CADPS2: variants seen among roughly 807,000 people sequenced by gnomAD.
CADPS2 encodes calcium dependent secretion activator 2.
Under a neutral mutation model 172.5 loss-of-function variants are expected in CADPS2, and 93 were observed. The ratio of observed to expected loss-of-function variants is 0.54; its 90% CI spans 0.46 to 0.64. The LOEUF (loss-of-function observed/expected upper bound fraction) is 0.64. Ranked by LOEUF, CADPS2 falls within the 30% of genes least tolerant of loss-of-function variation. The pLI is 0.00. For synonymous variants in CADPS2, 546 were observed against 555.2 expected, an observed-to-expected ratio of 0.98 and a Z score of 0.23; for missense variants, 1,420 against 1,565.9, an observed-to-expected ratio of 0.91 and a Z score of 1.57.
At chr7:122,652,225 C>T (rs902328606) in intron 3 of CADPS2, among the ~76,000 whole-genome samples, 2 of 152,028 alleles carry the variant, frequency 1.3e-5, no homozygotes, top group Admixed American at 6.6e-5. Flanking sequence ...AACACAATGC[C>T]TAGTGAAAAC....
At chr7:122,614,909 T>C (rs895385874) in intron 6 of CADPS2, among the ~76,000 whole-genome samples, 1 of 152,226 alleles carries the variant, frequency 6.6e-6, no homozygotes, top group Non-Finnish European at 1.5e-5. Flanking sequence ...TCCTTAGAAA[T>C]GACTTATAAA....
At chr7:122,376,782 A>G (rs2042415347) in intron 25 of CADPS2, among the ~76,000 whole-genome samples, 1 of 152,154 alleles carries the variant, frequency 6.6e-6, no homozygotes, top group Non-Finnish European at 1.5e-5. Flanking sequence ...TTTATGGTAC[A>G]GTTTGAGGTG....
At chr7:122,700,381 A>G (rs921080101) in intron 2 of CADPS2, among the ~76,000 whole-genome samples, 1 of 152,194 alleles carries the variant, frequency 6.6e-6, no homozygotes, top group Non-Finnish European at 1.5e-5. Flanking sequence ...TATAAAAAGA[A>G]TACTGATGAT....
chr7:122,836,925 G>C (rs1350618686), intron 1 of CADPS2, among the ~76,000 whole-genome samples: 1 of 152,090 alleles, frequency 6.6e-6, no homozygotes, highest in East Asian at 1.9e-4. Context: ...GCACCAAGCG[G>C]ACCTAATAGA....
intron 22 of CADPS2, among the ~76,000 whole-genome samples, chr7:122,392,119 T>C (rs141873169): frequency 6.6e-6 from 1 of 152,302 alleles, no homozygotes; most frequent in Non-Finnish European, 1.5e-5. Flanking sequence ...ATGATTATTC[T>C]TTCTAGTTGA....
intron 22 of CADPS2, among the ~76,000 whole-genome samples, chr7:122,389,156 C>T (rs1292830136): frequency 2.0e-5 from 3 of 151,802 alleles, no homozygotes; most frequent in African/African-American, 7.3e-5. Context: ...TGCATATGTG[C>T]CTCTGTCACC....
At chr7:122,702,231 T>C (rs777791353) in intron 2 of CADPS2, 2 of 1,613,854 alleles carry the variant, frequency 1.2e-6, no homozygotes, top group Admixed American at 3.3e-5. Flanking sequence ...ATGATGACTG[T>C]CACATAGACT....
chr7:122,541,437 C>T (rs1220402885), intron 8 of CADPS2, among the ~76,000 whole-genome samples: 2 of 147,552 alleles, frequency 1.4e-5, no homozygotes, highest in Non-Finnish European at 3.0e-5. Context: ...AACTCCTGGC[C>T]TCAGGTGATC....
chr7:122,616,137 C>G (rs987785027), intron 5 of CADPS2, among the ~76,000 whole-genome samples: 1 of 151,972 alleles, frequency 6.6e-6, no homozygotes, highest in African/African-American at 2.4e-5. Context: ...CGTTTTCAAT[C>G]AAAAGTTGCA....
At chr7:122,740,713 C>A (rs2092421425) in intron 1 of CADPS2, among the ~76,000 whole-genome samples, 1 of 151,726 alleles carries the variant, frequency 6.6e-6, no homozygotes, top group South Asian at 2.1e-4. Flanking sequence ...GCAAAAAATA[C>A]CATAGGCAAA....
intron 12 of CADPS2, among the ~76,000 whole-genome samples, chr7:122,477,239 A>G (rs934138933): frequency 7.9e-5 from 12 of 152,196 alleles, no homozygotes; most frequent in Non-Finnish European, 1.5e-4. Context: ...ACTGACGGGC[A>G]CAATGGCTCA....
At chr7:122,787,295 A>C (rs2139576453) in intron 1 of CADPS2, among the ~76,000 whole-genome samples, 1 of 152,354 alleles carries the variant, frequency 6.6e-6, no homozygotes, top group East Asian at 1.9e-4. Flanking sequence ...GCAATGTAAA[A>C]GTATCATGAA....
intron 9 of CADPS2, among the ~76,000 whole-genome samples, chr7:122,509,036 T>C (rs2059829418): frequency 6.6e-6 from 1 of 152,198 alleles, no homozygotes; most frequent in Non-Finnish European, 1.5e-5. Flanking sequence ...ACAATATCTC[T>C]GTTCACTTCA....
At chr7:122,352,438 T>G (rs1221322711) in intron 27 of CADPS2, among the ~76,000 whole-genome samples, 2 of 152,230 alleles carry the variant, frequency 1.3e-5, no homozygotes, top group Admixed American at 1.3e-4. Context: ...AAGTGACGAC[T>G]CAGGGTGCTA....
In CADPS2 at chr7:122,812,727, C is replaced by T. The variant is rs186109886; in HGVS notation, c.339+73272G>A. 2.1e-3 allele frequency among the ~76,000 whole-genome samples: 317 copies of T among 152,226 alleles called. 1 individual carries two copies. The highest frequency in any genetic ancestry group is 7.0e-3 in the African/African-American group (290 of 41,548). ...TTATCTTCAGACTCTCTCCACCGTG[C>T]TCCCAACACATGATGGTTATTCATT... is the stretch of plus-strand genomic sequence containing the variant. On this transcript the variant is annotated intron_variant, in intron 1 of 29. Coordinates refer to ENST00000449022, the MANE Select transcript of CADPS2 (RefSeq NM_017954.11).
chr7:122,752,243 T>C (rs2138423618), intron 1 of CADPS2, among the ~76,000 whole-genome samples: 1 of 152,308 alleles, frequency 6.6e-6, no homozygotes, highest in African/African-American at 2.4e-5. Context: ...CAAAATTCTA[T>C]TAAGAAACCC....
intron 1 of CADPS2, among the ~76,000 whole-genome samples, chr7:122,746,966 C>A (rs191108094): frequency 2.0e-5 from 3 of 152,094 alleles, no homozygotes; most frequent in Non-Finnish European, 4.4e-5. Flanking sequence ...TCATTGACAG[C>A]GTCTGCCTCA....
At chr7:122,513,436 T>G in intron 8 of CADPS2, 121 bp from the exon 9 acceptor site, 1 of 737,728 alleles carries the variant, frequency 1.4e-6, no homozygotes, top group South Asian at 1.9e-5. Context: ...AAAGTTTAGC[T>G]CATTTGGAAA....
At chr7:122,399,840 C>CCA (rs2045709725) in intron 20 of CADPS2, among the ~76,000 whole-genome samples, 2 of 151,072 alleles carry the variant, frequency 1.3e-5, no homozygotes, top group Non-Finnish European at 3.0e-5. Context: ...GCGCCCGCCA[C>CCA]TACGCCCGGC....
Sources: gnomAD v4.1 joint callset for allele counts (sites outside exome capture counted in the v4.1 genomes callset) on GRCh38, gnomAD v4.1.1 for gene constraint, MANE v1.5 for transcripts, NCBI Gene and HGNC (gene_info 2026-07-23, HGNC 2026-07-21) for gene names.